Variants in ABCD3 observed in about 807,000 individuals in gnomAD.
The protein encoded by ABCD3 is ATP binding cassette subfamily D member 3, also known as ATP-binding cassette sub-family D member 3.
ABCD3 carries 41 observed loss-of-function variants against 105.5 expected under a neutral mutation model. The observed-to-expected ratio is 0.39, with a 90% confidence interval of 0.30 to 0.50. The LOEUF (loss-of-function observed/expected upper bound fraction) is 0.50, where lower values mean the gene tolerates loss of function less well. ABCD3 is among the 20% of genes least tolerant of loss of function. The pLI, the probability that ABCD3 is intolerant of heterozygous loss-of-function variation, is 0.84. For synonymous variants in ABCD3, 258 were observed against 269.0 expected (o/e 0.96, Z 0.40); for missense variants, 622 against 806.3 (o/e 0.77, Z 2.77).
chr1:94,398,269 C>G, the ABCD3 span, among the ~76,000 whole-genome samples: 1 of 152,134 alleles, frequency 6.6e-6, no homozygotes. Context: ...TTCTAGCCAT[C>G]CTTCTCCTGC....
intron 1 of ABCD3, among the ~76,000 whole-genome samples, chr1:94,422,355 T>C (rs1232193640): frequency 6.6e-6 from 1 of 152,198 alleles, no homozygotes; most frequent in Non-Finnish European, 1.5e-5. Flanking sequence ...GTGAGGGATC[T>C]AGGTTGCACA....
intron 2 of ABCD3, among the ~76,000 whole-genome samples, chr1:94,461,279 A>G (rs1014339381): frequency 1.3e-5 from 2 of 152,046 alleles, no homozygotes; most frequent in Non-Finnish European, 2.9e-5. Context: ...AATTTTTTAT[A>G]TCCTTTGTGA....
intron 20 of ABCD3, among the ~76,000 whole-genome samples, chr1:94,501,629 A>G (rs1650104191): frequency 6.6e-6 from 1 of 152,202 alleles, no homozygotes; most frequent in Non-Finnish European, 1.5e-5. Context: ...ACAGTGAGTC[A>G]GCCAGGGTTG....
chr1:94,429,806 G>A (rs1372758583), intron 1 of ABCD3, among the ~76,000 whole-genome samples: 1 of 152,214 alleles, frequency 6.6e-6, no homozygotes, highest in Non-Finnish European at 1.5e-5. Flanking sequence ...GAAAGGAAAT[G>A]TGAGGTTGGA....
At chr1:94,420,033 G>A (rs1259944961) in intron 1 of ABCD3, among the ~76,000 whole-genome samples, 2 of 152,168 alleles carry the variant, frequency 1.3e-5, no homozygotes, top group Non-Finnish European at 2.9e-5. Context: ...AAGTGTTTCA[G>A]GGCATAGAAC....
At chr1:94,439,401 G>A (rs1386412972) in intron 1 of ABCD3, among the ~76,000 whole-genome samples, 4 of 151,938 alleles carry the variant, frequency 2.6e-5, no homozygotes, top group Admixed American at 2.6e-4. Context: ...CAGCACTTTG[G>A]GAGGCTGAGG....
intron 21 of ABCD3, among the ~76,000 whole-genome samples, chr1:94,507,700 T>G (rs1242152961): frequency 3.9e-5 from 6 of 152,070 alleles, no homozygotes; most frequent in South Asian, 2.1e-4. Context: ...GTGTGAGATG[T>G]TATCTCACTG....
chr1:94,391,056 T>A, the ABCD3 span, among the ~76,000 whole-genome samples: 2 of 152,196 alleles, frequency 1.3e-5, no homozygotes, highest in Non-Finnish European at 2.9e-5. Flanking sequence ...TAGTCTTAGA[T>A]CCTTTTGGGG....
the ABCD3 span, among the ~76,000 whole-genome samples, chr1:94,394,395 C>T: frequency 6.6e-6 from 1 of 152,162 alleles, no homozygotes; most frequent in East Asian, 1.9e-4. Context: ...TTTCTGATTA[C>T]CTTTGCTGAT....
At chr1:94,444,047 T>C (rs182744539) in intron 1 of ABCD3, among the ~76,000 whole-genome samples, 1 of 152,160 alleles carries the variant, frequency 6.6e-6, no homozygotes, top group East Asian at 1.9e-4. Flanking sequence ...GTTTTTATAT[T>C]TTTCGGCTGG....
At chr1:94,422,040 T>C (rs1392319686) in intron 1 of ABCD3, among the ~76,000 whole-genome samples, 1 of 152,224 alleles carries the variant, frequency 6.6e-6, no homozygotes, top group East Asian at 1.9e-4. Flanking sequence ...AGTGCTGGGA[T>C]TACAGGCATG....
At chr1:94,402,750 T>C in the ABCD3 span, among the ~76,000 whole-genome samples, 3 of 152,234 alleles carry the variant, frequency 2.0e-5, no homozygotes, top group Non-Finnish European at 4.4e-5. Flanking sequence ...ATATTCTTTC[T>C]TTGCCTTTTA....
At position 94,501,794 on chromosome 1, in the gene ABCD3, G is replaced by C. The variant is rs139953941; in HGVS notation, c.1740+2180G>C. On this transcript the variant is annotated intron_variant, in intron 20 of 22. Coordinates refer to ENST00000370214, the MANE Select transcript of ABCD3 (RefSeq NM_002858.4). ...ATGGAAAAGTGGAATATTTATTTAA[G>C]TATAAATTGGGCCAAACCCCTTTAC... Among the ~76,000 whole-genome samples, 322 of 151,818 alleles carry C rather than the reference G, an allele frequency of 2.1e-3. 3 individuals carry two copies. The highest frequency in any genetic ancestry group is 7.6e-3 in the African/African-American group (315 of 41,422).
chr1:94,407,742 A>C, the ABCD3 span, among the ~76,000 whole-genome samples: 6 of 152,228 alleles, frequency 3.9e-5, no homozygotes, highest in African/African-American at 1.4e-4. Context: ...GATGGTCAGC[A>C]AACTATAGCC....
chr1:94,426,837 G>A (rs1341969783), intron 1 of ABCD3, among the ~76,000 whole-genome samples: 5 of 143,668 alleles, frequency 3.5e-5, no homozygotes, highest in African/African-American at 1.0e-4. Context: ...GAGCTACCGC[G>A]CCCAGCCTGA....
chr1:94,470,666 G>C (rs780913472), intron 4 of ABCD3, among the ~76,000 whole-genome samples: 1 of 151,912 alleles, frequency 6.6e-6, no homozygotes, highest in Non-Finnish European at 1.5e-5. Context: ...TGTTTAAAAA[G>C]AAATTATTCC....
intron 1 of ABCD3, among the ~76,000 whole-genome samples, chr1:94,445,554 T>C (rs375187929): frequency 2.4e-4 from 37 of 152,142 alleles, no homozygotes; most frequent in African/African-American, 8.9e-4. Context: ...CCACCTAAAG[T>C]AAAAACAGCA....
At chr1:94,454,002 G>T (rs2100947193) in intron 1 of ABCD3, among the ~76,000 whole-genome samples, 1 of 150,872 alleles carries the variant, frequency 6.6e-6, no homozygotes, top group East Asian at 1.9e-4. Context: ...GAATTCCACA[G>T]GATATATATT....
At chr1:94,416,564 C>T (rs928108947), upstream of ABCD3, among the ~76,000 whole-genome samples, 2 of 152,144 alleles carry the variant, frequency 1.3e-5, no homozygotes, top group African/African-American at 2.4e-5. Flanking sequence ...AAATGAAGGT[C>T]TCAGTAGCAA....
Sources: allele counts gnomAD v4.1 joint callset (sites outside exome capture counted in the v4.1 genomes callset), GRCh38; gene constraint gnomAD v4.1.1; transcripts MANE v1.5; gene names NCBI Gene and HGNC (gene_info 2026-07-23, HGNC 2026-07-21).